TENM1: variants seen among roughly 807,000 people sequenced by gnomAD.
The protein encoded by TENM1 is teneurin-1.
Under a neutral mutation model 174.8 loss-of-function variants are expected in TENM1, and 35 were observed. That is an observed-to-expected ratio of 0.20 (90% CI 0.15 to 0.27). The LOEUF (loss-of-function observed/expected upper bound fraction) is 0.27, where lower values mean the gene tolerates loss of function less well. Ranked by LOEUF, TENM1 falls within the 10% of genes least tolerant of loss-of-function variation. TENM1 has a pLI of 1.00. For missense variants in TENM1, 1,633 were observed against 2,130.1 expected (o/e 0.77, Z 4.59); for synonymous variants, 781 against 798.7 (o/e 0.98, Z 0.37).
chrX:124,804,661 A>G (rs1440432459), intron 3 of TENM1, among the ~76,000 whole-genome samples: 8 of 112,106 alleles, frequency 7.1e-5, no homozygotes, highest in Non-Finnish European at 1.9e-5. Flanking sequence ...CTGTGAACCA[A>G]CAGACATTAA....
the TENM1 span, among the ~76,000 whole-genome samples, chrX:125,184,976 T>G: frequency 9.0e-6 from 1 of 111,467 alleles, no homozygotes; most frequent in Non-Finnish European, 1.9e-5. Flanking sequence ...AAAGCTCCAT[T>G]TGAATTATAC....
At chrX:124,829,065 TA>T (rs1272421113) in intron 3 of TENM1, among the ~76,000 whole-genome samples, 1 of 111,721 alleles carries the variant, frequency 9.0e-6, no homozygotes, top group Non-Finnish European at 1.9e-5. Context: ...ACAAATCCTC[TA>T]AAAAATGGCT....
Position 124,829,192 on chromosome X carries a change from A to C in TENM1, c.535+65104T>G, listed in dbSNP as rs139772757. ...TAATCACCTTTGCAACATTAAGGAAAACATGAAACTGGCACTATGATTCAG... is the reference window on the plus strand; with the variant it reads ...TAATCACCTTTGCAACATTAAGGAACACATGAAACTGGCACTATGATTCAG... On this transcript the variant is annotated intron_variant, in intron 3 of 31. Transcript: ENST00000422452. Among the ~76,000 whole-genome samples the C allele has an allele frequency of 3.4e-3, 381 of 112,509 alleles. 5 individuals carry two copies. The highest frequency in any genetic ancestry group is 3.8e-3 in the Non-Finnish European group (202 of 53,244).
At chrX:124,664,682 GTGTGT>G (rs1569375208) in intron 6 of TENM1, among the ~76,000 whole-genome samples, 9 of 31,426 alleles carry the variant, frequency 2.9e-4, no homozygotes, top group African/African-American at 1.1e-3. Context: ...CTTGTGGGGT[GTGTGT>G]GTGTGTGTGT....
intron 15 of TENM1, among the ~76,000 whole-genome samples, chrX:124,538,949 G>C (rs1448991280): frequency 9.0e-6 from 1 of 110,906 alleles, no homozygotes; most frequent in Non-Finnish European, 1.9e-5. Context: ...ATTTTTTTCT[G>C]TCATGCATGA....
chrX:124,807,187 T>C (rs2055623058), intron 3 of TENM1, among the ~76,000 whole-genome samples: 2 of 111,850 alleles, frequency 1.8e-5, no homozygotes, highest in Non-Finnish European at 3.8e-5. Context: ...ATGAGAAATA[T>C]ACCACCATGA....
At chrX:124,531,558 T>C (rs913751941) in intron 15 of TENM1, among the ~76,000 whole-genome samples, 1 of 112,437 alleles carries the variant, frequency 8.9e-6, no homozygotes, top group South Asian at 3.7e-4. Flanking sequence ...GTGTAATTGT[T>C]GCTATTAGTG....
At chrX:124,627,631 A>G (rs1022045086) in intron 11 of TENM1, among the ~76,000 whole-genome samples, 11 of 111,752 alleles carry the variant, frequency 9.8e-5, no homozygotes, top group Non-Finnish European at 2.1e-4. Context: ...TAAACACACA[A>G]GCTAAATAAA....
the TENM1 span, among the ~76,000 whole-genome samples, chrX:125,031,928 G>T: frequency 9.0e-6 from 1 of 111,376 alleles, no homozygotes; most frequent in East Asian, 2.8e-4. Flanking sequence ...GTGTTCCATT[G>T]GTACTAGAAG....
intron 3 of TENM1, among the ~76,000 whole-genome samples, chrX:124,860,320 G>GA (rs778163845): frequency 1.8e-5 from 2 of 111,952 alleles, no homozygotes; most frequent in South Asian, 3.8e-4. Context: ...TACAATGGAA[G>GA]AGAGTAGTGC....
At chrX:124,730,455 A>G (rs963674916) in intron 4 of TENM1, among the ~76,000 whole-genome samples, 5 of 111,460 alleles carry the variant, frequency 4.5e-5, no homozygotes, top group African/African-American at 1.6e-4. Context: ...TCCTTACTTT[A>G]CAGATGAGAA....
At chrX:125,155,882 C>A in the TENM1 span, among the ~76,000 whole-genome samples, 1 of 112,463 alleles carries the variant, frequency 8.9e-6, no homozygotes, top group African/African-American at 3.2e-5. Context: ...CGGCTCTGGC[C>A]TCGGCCAGCC....
At chrX:124,809,063 C>T (rs1359993403) in intron 3 of TENM1, among the ~76,000 whole-genome samples, 6 of 110,259 alleles carry the variant, frequency 5.4e-5, no homozygotes, top group Admixed American at 1.9e-4. Flanking sequence ...ATAAAATCAA[C>T]GAACCTTTAG....
At chrX:124,512,281 AT>A (rs770001950) in intron 18 of TENM1, among the ~76,000 whole-genome samples, 113 of 106,682 alleles carry the variant, frequency 1.1e-3, no homozygotes, top group Middle Eastern at 4.8e-3. Context: ...AACAGTAATG[AT>A]TTTTTTTTTT....
chrX:124,817,397 C>A (rs769037976), intron 3 of TENM1, among the ~76,000 whole-genome samples: 1 of 111,920 alleles, frequency 8.9e-6, no homozygotes, highest in South Asian at 3.7e-4. Flanking sequence ...CATTTTCAAA[C>A]AATATTCTTT....
the TENM1 span, among the ~76,000 whole-genome samples, chrX:124,985,150 C>G: frequency 1.8e-5 from 2 of 112,159 alleles, no homozygotes; most frequent in African/African-American, 3.2e-5. Flanking sequence ...AGCCAATACT[C>G]TAATAATTAT....
At chrX:125,145,184 T>C in the TENM1 span, among the ~76,000 whole-genome samples, 1 of 111,997 alleles carries the variant, frequency 8.9e-6, no homozygotes, top group African/African-American at 3.2e-5. Context: ...GCCTGATTTC[T>C]TTTTTGGGAC....
chrX:124,740,265 C>A (rs1291292203), intron 3 of TENM1, among the ~76,000 whole-genome samples: 1 of 111,790 alleles, frequency 8.9e-6, no homozygotes, highest in Non-Finnish European at 1.9e-5. Flanking sequence ...GGGTTTCTGT[C>A]AGCACAGTTG....
At chrX:124,505,874 C>T (rs189881894) in intron 18 of TENM1, among the ~76,000 whole-genome samples, 7 of 111,471 alleles carry the variant, frequency 6.3e-5, no homozygotes, top group African/African-American at 2.3e-4. Context: ...AGCACTAACA[C>T]TCTAAATTGC....
Sources: allele counts gnomAD v4.1 joint callset (sites outside exome capture counted in the v4.1 genomes callset), GRCh38; gene constraint gnomAD v4.1.1; transcripts MANE v1.5; gene names NCBI Gene and HGNC (gene_info 2026-07-23, HGNC 2026-07-21).